Variants in TET2 observed in about 807,000 individuals in gnomAD.
The protein encoded by TET2 is tet methylcytosine dioxygenase 2, also known as methylcytosine dioxygenase TET2.
Under a neutral mutation model 142.9 loss-of-function variants are expected in TET2, and 299 were observed. That is an observed-to-expected ratio of 2.09 (90% CI 1.90 to 2.30). The LOEUF (loss-of-function observed/expected upper bound fraction) is 2.30. TET2 is among the 30% of genes most tolerant of loss of function. The probability of loss-of-function intolerance (pLI) is 0.00; values close to 1 mark genes in which losing one functional copy is unlikely to be tolerated. For missense variants in TET2, 2,418 were observed against 2,378.0 expected (o/e 1.02, Z -0.35); for synonymous variants, 819 against 849.0 (o/e 0.96, Z 0.61).
At chr4:105,161,302 C>A (rs1189129236) in intron 1 of TET2, among the ~76,000 whole-genome samples, 1 of 152,094 alleles carries the variant, frequency 6.6e-6, no homozygotes, top group African/African-American at 2.4e-5. Flanking sequence ...GATATTACTT[C>A]TTTAGTGTTT....
chr4:105,223,112 C>T (rs1246592571), intron 2 of TET2, among the ~76,000 whole-genome samples: 1 of 152,064 alleles, frequency 6.6e-6, no homozygotes, highest in Non-Finnish European at 1.5e-5. Flanking sequence ...CCATGCTCAG[C>T]AGTCCTTTTT....
At chr4:105,218,120 G>C (rs1247605595) in intron 2 of TET2, among the ~76,000 whole-genome samples, 1 of 152,052 alleles carries the variant, frequency 6.6e-6, no homozygotes, top group East Asian at 1.9e-4. Context: ...TATGTCCACT[G>C]TCCAGGGTAC....
chr4:105,170,848 G>A (rs1173480787), intron 1 of TET2, among the ~76,000 whole-genome samples: 1 of 152,152 alleles, frequency 6.6e-6, no homozygotes, highest in Non-Finnish European at 1.5e-5. Flanking sequence ...TTGAACAACT[G>A]ATTTATAAAT....
At chr4:105,262,100 C>T (rs1431595722) in intron 8 of TET2, among the ~76,000 whole-genome samples, 1 of 152,034 alleles carries the variant, frequency 6.6e-6, no homozygotes, top group East Asian at 1.9e-4. Context: ...TAATCTTGTT[C>T]TCATATGAAT....
intron 1 of TET2, among the ~76,000 whole-genome samples, chr4:105,167,299 A>T (rs1470100482): frequency 6.6e-6 from 1 of 152,064 alleles, no homozygotes; most frequent in Non-Finnish European, 1.5e-5. Context: ...TTAGGCAAAC[A>T]AAGAAAATTA....
rs947023401 is a variant in TET2, at chr4:105,234,765, A to C, written c.823A>C (p.Asn275His). ...CCCATCGCATACCTCAGGGCAGATC[A>C]ATTCCGCACAGACCTCTAACTCTGA... ...THPSHTSGQI[N>H]SAQTSNSELP... The change falls in exon 3 of 11, where the codon AAT (asparagine) becomes CAT (histidine). Residue 275 changes from asparagine (N) to histidine (H), a missense_variant. Physicochemically the swap from Asn to His is moderately conservative, Grantham distance 68. Transcript: ENST00000380013. 1 of 1,613,964 alleles carries C rather than the reference A, an allele frequency of 6.2e-7. No homozygotes were observed. Among genetic ancestry groups the C allele is most frequent in the African/African-American group, 1.3e-5 (1 of 75,060 alleles).
intron 2 of TET2, among the ~76,000 whole-genome samples, chr4:105,224,781 G>T (rs1728083325): frequency 6.9e-6 from 1 of 145,430 alleles, no homozygotes; most frequent in South Asian, 2.2e-4. Flanking sequence ...TTATTGAGTG[G>T]CCATATAATT....
chr4:105,194,599 T>C (rs1056262076), intron 2 of TET2, among the ~76,000 whole-genome samples: 1 of 152,136 alleles, frequency 6.6e-6, no homozygotes, highest in African/African-American at 2.4e-5. Context: ...AGGTCATTCT[T>C]ATGAACTAAA....
chr4:105,242,718 C>T, intron 4 of TET2, 116 bp from the exon 5 acceptor site: 1 of 1,468,818 alleles, frequency 6.8e-7, no homozygotes, highest in Non-Finnish European at 9.0e-7. Flanking sequence ...ATAAACCGTT[C>T]ATTTCTCAGG....
chr4:105,173,065 G>T (rs1470765538), intron 1 of TET2, among the ~76,000 whole-genome samples: 1 of 152,076 alleles, frequency 6.6e-6, no homozygotes, highest in Non-Finnish European at 1.5e-5. Context: ...AAAAGTATTT[G>T]CTTCTCAGAC....
At chr4:105,205,757 G>A (rs994884464) in intron 2 of TET2, among the ~76,000 whole-genome samples, 1 of 151,904 alleles carries the variant, frequency 6.6e-6, no homozygotes, top group Admixed American at 6.6e-5. Context: ...TCAGCCTCCC[G>A]AGTAGCTGGG....
intron 1 of TET2, among the ~76,000 whole-genome samples, chr4:105,151,958 C>G (rs1986800): frequency 0.11 from 16,786 of 152,044 alleles, 1,190 homozygotes; most frequent in Non-Finnish European, 0.16. Context: ...ACCAGTAATC[C>G]CAGCTACTCA....
chr4:105,209,445 C>T (rs1727032021), intron 2 of TET2, among the ~76,000 whole-genome samples: 1 of 151,894 alleles, frequency 6.6e-6, no homozygotes, highest in Non-Finnish European at 1.5e-5. Context: ...GTTAAGTAGT[C>T]AGTGGGGTTG....
intron 10 of TET2, among the ~76,000 whole-genome samples, chr4:105,273,222 A>G (rs1015497452): frequency 3.3e-5 from 5 of 152,196 alleles, no homozygotes; most frequent in Non-Finnish European, 7.3e-5. Context: ...AATTTTGGAA[A>G]GTTATATCAA....
Position 105,235,447 on chromosome 4 carries a change from C to T in TET2, c.1505C>T (p.Ser502Phe). Residue 502 changes from serine to phenylalanine, a missense_variant, in exon 3 of 11, where the codon TCT becomes TTT. Transcript: ENST00000380013. The stretch of plus-strand genomic sequence containing the variant: ...GGGACAATGACTGTTCCATTGTGTT[C>T]TGAGAAAACAAGACCAATGTCAGAA... ...TAGTMTVPLC[S>F]EKTRPMSEHL... 6.2e-7 allele frequency: 1 copy of T among 1,614,162 alleles called. No individual in the cohort carries two copies. The highest frequency in any genetic ancestry group is 8.5e-7 in the Non-Finnish European group (1 of 1,180,026).
chr4:105,269,566 T>G, intron 8 of TET2, 44 bp from the exon 9 acceptor site: 1 of 1,545,874 alleles, frequency 6.5e-7, no homozygotes, highest in Non-Finnish European at 8.8e-7. Flanking sequence ...GGTGTAAGAG[T>G]AAAACTAACT....
intron 8 of TET2, among the ~76,000 whole-genome samples, chr4:105,266,443 G>A (rs1730685084): frequency 6.6e-6 from 1 of 152,018 alleles, no homozygotes; most frequent in South Asian, 2.1e-4. Flanking sequence ...AACCTTTACT[G>A]GGGAACAGGC....
intron 1 of TET2, among the ~76,000 whole-genome samples, chr4:105,155,112 TG>T (rs1384231100): frequency 6.6e-6 from 1 of 152,120 alleles, no homozygotes; most frequent in Admixed American, 6.6e-5. Flanking sequence ...TTACTAGATT[TG>T]GGGGGTTATT....
In TET2 at chr4:105,236,640, A is replaced by G. The variant is rs751733239; in HGVS notation, c.2698A>G (p.Lys900Glu). The G allele has an allele frequency of 6.2e-7, 1 of 1,614,072 alleles. No individual in the cohort carries two copies. Among genetic ancestry groups the G allele is most frequent in the Non-Finnish European group, 8.5e-7 (1 of 1,179,988 alleles). Reference sequence around the variant, plus strand: ...ACAAGCTTCAGTTCTACAGGGATATAAAAATAGAAACCAAGATATGTCTGG... The same window carrying G: ...ACAAGCTTCAGTTCTACAGGGATATGAAAATAGAAACCAAGATATGTCTGG... ...SQQASVLQGYKNRNQDMSGQQ... is the reference protein window; with the variant it reads ...SQQASVLQGYENRNQDMSGQQ... Residue 900 changes from lysine (K) to glutamate (E), a missense_variant, in exon 3 of 11, where the codon AAA becomes GAA. By Grantham distance (56) the Lys-to-Glu change is moderately conservative. Transcript: ENST00000380013.
Sources: allele counts gnomAD v4.1 joint callset (sites outside exome capture counted in the v4.1 genomes callset), GRCh38; gene constraint gnomAD v4.1.1; transcripts MANE v1.5; gene names NCBI Gene and HGNC (gene_info 2026-07-23, HGNC 2026-07-21).